Variants in NEK7 observed in about 807,000 individuals in gnomAD.
NEK7 encodes the protein NIMA related kinase 7.
Under a neutral mutation model 44.6 loss-of-function variants are expected in NEK7, and 18 were observed. That is an observed-to-expected ratio of 0.40 (90% CI 0.28 to 0.60). The LOEUF (loss-of-function observed/expected upper bound fraction) is 0.60, where lower values mean the gene tolerates loss of function less well. NEK7 is among the 20% of genes least tolerant of loss of function. The pLI is 0.38. For synonymous variants in NEK7, 130 were observed against 121.1 expected (o/e 1.07, Z -0.48); for missense variants, 256 against 366.5 (o/e 0.70, Z 2.46).
chr1:198,161,389 C>T (rs1400369127), intron 1 of NEK7, among the ~76,000 whole-genome samples: 1 of 152,130 alleles, frequency 6.6e-6, no homozygotes, highest in African/African-American at 2.4e-5. Flanking sequence ...CAGTATCTGA[C>T]CAAGTGGGCA....
intron 1 of NEK7, among the ~76,000 whole-genome samples, chr1:198,230,450 A>G (rs552026560): frequency 1.7e-3 from 258 of 152,288 alleles, no homozygotes; most frequent in Middle Eastern, 6.8e-3. Flanking sequence ...ATTTCAAGAT[A>G]CACAAATTTT....
At chr1:198,197,816 T>TTGCCATGC (rs1258131661) in intron 1 of NEK7, 16 of 771,852 alleles carry the variant, frequency 2.1e-5, no homozygotes, top group Non-Finnish European at 1.4e-5. Context: ...GGAGGAATGC[T>TTGCCATGC]TGCCATGCTC....
At chr1:198,271,920 T>TACACAC (rs569767811) in intron 5 of NEK7, among the ~76,000 whole-genome samples, 26 of 145,304 alleles carry the variant, frequency 1.8e-4, no homozygotes, top group Non-Finnish European at 3.2e-4. Context: ...TATATATATA[T>TACACAC]ATATACACAC....
chr1:198,170,678 A>T (rs1238810147), intron 1 of NEK7, among the ~76,000 whole-genome samples: 1 of 152,240 alleles, frequency 6.6e-6, no homozygotes, highest in Admixed American at 6.5e-5. Context: ...TATTCCCTTC[A>T]TAAGAATAAT....
intron 1 of NEK7, among the ~76,000 whole-genome samples, chr1:198,221,978 T>C (rs1448458074): frequency 6.6e-6 from 1 of 151,734 alleles, no homozygotes; most frequent in Non-Finnish European, 1.5e-5. Flanking sequence ...TCATTTGTAA[T>C]ATATACAGTA....
chr1:198,161,618 A>G (rs1664109055), intron 1 of NEK7, among the ~76,000 whole-genome samples: 1 of 152,126 alleles, frequency 6.6e-6, no homozygotes, highest in South Asian at 2.1e-4. Flanking sequence ...CCAGCTGTCC[A>G]TTCCCAAATT....
chr1:198,275,141 G>T (rs1264570964), intron 5 of NEK7, among the ~76,000 whole-genome samples: 1 of 150,588 alleles, frequency 6.6e-6, no homozygotes, highest in African/African-American at 2.4e-5. Flanking sequence ...GATAAAAGTG[G>T]AAAAGTTACT....
At chr1:198,243,067 C>T (rs554752989) in intron 2 of NEK7, among the ~76,000 whole-genome samples, 5 of 152,218 alleles carry the variant, frequency 3.3e-5, no homozygotes, top group South Asian at 2.1e-4. Context: ...TTGAACACAT[C>T]GAGTTCATTT....
At chr1:198,196,595 G>A (rs114538486) in intron 1 of NEK7, among the ~76,000 whole-genome samples, 4,451 of 152,232 alleles carry the variant, frequency 0.029, 117 homozygotes, top group African/African-American at 0.063. Context: ...AATGTTCAGC[G>A]ATGCCAGGGC....
chr1:198,297,328 G>C (rs1654741920), intron 9 of NEK7, 88 bp downstream of exon 9: 1 of 1,504,930 alleles, frequency 6.6e-7, no homozygotes, highest in Non-Finnish European at 9.1e-7. Context: ...ATCCAAAAAT[G>C]AAAATGAATG....
At chr1:198,242,868 C>T (rs1666729023) in intron 2 of NEK7, among the ~76,000 whole-genome samples, 1 of 146,450 alleles carries the variant, frequency 6.8e-6, no homozygotes, top group South Asian at 2.2e-4. Flanking sequence ...TTGCCATGTG[C>T]CATGTTTTCC....
chr1:198,260,542 G>A (rs1653426866), intron 3 of NEK7, among the ~76,000 whole-genome samples: 1 of 151,446 alleles, frequency 6.6e-6, no homozygotes, highest in Non-Finnish European at 1.5e-5. Flanking sequence ...TACTGCTAAT[G>A]GAAAAAAGAG....
intron 3 of NEK7, among the ~76,000 whole-genome samples, chr1:198,260,463 G>A (rs1428504259): frequency 6.8e-6 from 1 of 147,776 alleles, no homozygotes; most frequent in Non-Finnish European, 1.5e-5. Flanking sequence ...GTTTCATCGT[G>A]TTGCATTCTG....
intron 1 of NEK7, among the ~76,000 whole-genome samples, chr1:198,187,926 G>A (rs770506526): frequency 1.4e-4 from 22 of 152,286 alleles, no homozygotes; most frequent in Admixed American, 3.3e-4. Context: ...TCTTAGTTCC[G>A]CTAGTAGAGG....
intron 1 of NEK7, among the ~76,000 whole-genome samples, chr1:198,167,387 G>C (rs1664298845): frequency 6.6e-6 from 1 of 152,130 alleles, no homozygotes; most frequent in Non-Finnish European, 1.5e-5. Flanking sequence ...TTAAGATTGT[G>C]CGGAGGTTGT....
intron 1 of NEK7, among the ~76,000 whole-genome samples, chr1:198,203,053 T>TA (rs1246959857): frequency 2.6e-5 from 4 of 151,954 alleles, no homozygotes; most frequent in African/African-American, 9.7e-5. Context: ...ACTATGACGT[T>TA]TTCATGAGTT....
At chr1:198,313,537 A>T (rs1655256661) in intron 9 of NEK7, among the ~76,000 whole-genome samples, 1 of 132,018 alleles carries the variant, frequency 7.6e-6, no homozygotes, top group East Asian at 2.5e-4. Context: ...CCTAGTCTCG[A>T]TGGTCTTTAC....
chr1:198,314,554 C>A (rs1280490227), intron 9 of NEK7, among the ~76,000 whole-genome samples: 2 of 152,162 alleles, frequency 1.3e-5, no homozygotes, highest in Non-Finnish European at 2.9e-5. Flanking sequence ...TTTTCCCCAT[C>A]TTTGTGGTTT....
At chr1:198,219,398 C>T (rs1241743944) in intron 1 of NEK7, among the ~76,000 whole-genome samples, 1 of 151,148 alleles carries the variant, frequency 6.6e-6, no homozygotes, top group East Asian at 1.9e-4. Flanking sequence ...ATAATGTCTT[C>T]TGCAACAACT....
Sources: gnomAD v4.1 joint callset for allele counts (sites outside exome capture counted in the v4.1 genomes callset) on GRCh38, gnomAD v4.1.1 for gene constraint, MANE v1.5 for transcripts, NCBI Gene and HGNC (gene_info 2026-07-23, HGNC 2026-07-21) for gene names.